The following OPCML variants were observed in gnomAD, a reference collection of about 807,000 sequenced individuals.
OPCML encodes the protein opioid-binding protein/cell adhesion molecule.
OPCML carries 13 observed loss-of-function variants against 37.8 expected under a neutral mutation model. The observed-to-expected ratio is 0.34, with a 90% CI of 0.22 to 0.55. The LOEUF (loss-of-function observed/expected upper bound fraction) is 0.55. Ranked by LOEUF, OPCML falls within the 20% of genes least tolerant of loss-of-function variation. The probability of loss-of-function intolerance (pLI) is 0.91; values close to 1 mark genes in which losing one functional copy is unlikely to be tolerated. For missense variants in OPCML, 341 were observed against 435.6 expected (o/e 0.78, Z 1.93); for synonymous variants, 176 against 168.8 (o/e 1.04, Z -0.33).
chr11:132,715,284 G>C (rs1030337002), intron 2 of OPCML, among the ~76,000 whole-genome samples: 1 of 152,222 alleles, frequency 6.6e-6, no homozygotes, highest in Admixed American at 6.5e-5. Context: ...TATGTACCAA[G>C]TGTCATATTA....
chr11:132,694,644 T>G (rs1943537864), intron 2 of OPCML, among the ~76,000 whole-genome samples: 1 of 152,212 alleles, frequency 6.6e-6, no homozygotes, highest in African/African-American at 2.4e-5. Context: ...TTCTTTCTTC[T>G]AAGAGAACCT....
chr11:133,280,461 C>T (rs1942114072), intron 1 of OPCML, among the ~76,000 whole-genome samples: 1 of 152,170 alleles, frequency 6.6e-6, no homozygotes. Flanking sequence ...TGCCAGATTG[C>T]TTTCAAGGAA....
chr11:133,492,077 T>C (rs953672220), intron 1 of OPCML, among the ~76,000 whole-genome samples: 3 of 152,170 alleles, frequency 2.0e-5, no homozygotes, highest in Non-Finnish European at 2.9e-5. Flanking sequence ...GAAGCTCTCA[T>C]CATGACTGCA....
chr11:132,595,443 TACC>T (rs1447846332), intron 3 of OPCML, among the ~76,000 whole-genome samples: 1 of 152,204 alleles, frequency 6.6e-6, no homozygotes, highest in Non-Finnish European at 1.5e-5. Flanking sequence ...TACCTGTCTG[TACC>T]ACAACACTTT....
At chr11:132,474,377 T>C (rs1488246259) in intron 4 of OPCML, among the ~76,000 whole-genome samples, 1 of 151,982 alleles carries the variant, frequency 6.6e-6, no homozygotes, top group Non-Finnish European at 1.5e-5. Flanking sequence ...CCTCTTCACA[T>C]AGGAGCGAAA....
At chr11:132,930,503 GAACT>G (rs1221538367) in intron 2 of OPCML, among the ~76,000 whole-genome samples, 5 of 151,914 alleles carry the variant, frequency 3.3e-5, no homozygotes, top group Non-Finnish European at 7.4e-5. Flanking sequence ...ACAAAAATTA[GAACT>G]AATAAATTAC....
Position 132,602,202 on chromosome 11 carries a change from A to G in OPCML, c.379+54885T>C, listed in dbSNP as rs1320687526. Among the ~76,000 whole-genome samples the G allele has an allele frequency of 3.9e-5, 6 of 152,256 alleles. No individual in the cohort carries two copies. In the East Asian group the frequency reaches 1.2e-3, roughly 29 times the overall value. ...AGGCACAAAGATCTCACAATGGACT[A>G]TTTTTAGTCCTGATAATTAATATTG... On this transcript the variant is annotated intron_variant, in intron 3 of 7. Coordinates refer to ENST00000524381, the MANE Select transcript of OPCML (RefSeq NM_001012393.5).
intron 7 of OPCML, among the ~76,000 whole-genome samples, chr11:132,431,390 G>T (rs561406176): frequency 6.6e-6 from 1 of 152,206 alleles, no homozygotes; most frequent in Non-Finnish European, 1.5e-5. Flanking sequence ...TGCTGCTGGC[G>T]TTGACCGCCT....
At chr11:132,437,126 T>C in intron 5 of OPCML, 96 bp downstream of exon 5, 16 of 1,530,226 alleles carry the variant, frequency 1.0e-5, no homozygotes, top group Non-Finnish European at 1.4e-5. Context: ...GGCAGGAACC[T>C]GGGTCCTTTG....
chr11:132,636,067 T>A (rs1940476192), intron 3 of OPCML, among the ~76,000 whole-genome samples: 3 of 152,206 alleles, frequency 2.0e-5, no homozygotes, highest in Admixed American at 2.0e-4. Flanking sequence ...AATGCCTGAT[T>A]GTGTATGCAA....
At chr11:133,224,936 C>T (rs1317877137) in intron 1 of OPCML, among the ~76,000 whole-genome samples, 1 of 152,166 alleles carries the variant, frequency 6.6e-6, no homozygotes, top group Non-Finnish European at 1.5e-5. Context: ...CCCTCCATCC[C>T]AAGCTCAGAG....
chr11:133,382,880 A>G (rs1047917627), intron 1 of OPCML, among the ~76,000 whole-genome samples: 3 of 152,154 alleles, frequency 2.0e-5, no homozygotes, highest in African/African-American at 4.8e-5. Context: ...CACATGTGTT[A>G]GCTCCTAGAT....
intron 1 of OPCML, among the ~76,000 whole-genome samples, chr11:133,215,974 G>A (rs1939569091): frequency 6.6e-6 from 1 of 152,136 alleles, no homozygotes. Flanking sequence ...CCTTGTAACT[G>A]ATGAATAGAG....
At chr11:133,006,611 C>T (rs1232984412) in intron 1 of OPCML, 5 of 985,440 alleles carry the variant, frequency 5.1e-6, no homozygotes, top group African/African-American at 1.7e-5. Context: ...AACCATGCCC[C>T]ACTGGCCAGA....
chr11:133,409,113 T>A (rs1592272943), intron 1 of OPCML, among the ~76,000 whole-genome samples: 1 of 152,006 alleles, frequency 6.6e-6, no homozygotes, highest in Admixed American at 6.5e-5. Context: ...AGGAAGGAGG[T>A]GGTAACCCTC....
At chr11:132,754,258 A>G (rs1355467387) in intron 2 of OPCML, among the ~76,000 whole-genome samples, 1 of 152,138 alleles carries the variant, frequency 6.6e-6, no homozygotes, top group Non-Finnish European at 1.5e-5. Flanking sequence ...CCCAAATCTC[A>G]TCTTGAATTC....
intron 2 of OPCML, among the ~76,000 whole-genome samples, chr11:132,814,285 G>A (rs1047747347): frequency 6.6e-6 from 1 of 152,170 alleles, no homozygotes; most frequent in African/African-American, 2.4e-5. Context: ...AGATAGAGAT[G>A]TATTTATTAT....
chr11:132,704,758 A>G (rs1943964596), intron 2 of OPCML, among the ~76,000 whole-genome samples: 1 of 152,242 alleles, frequency 6.6e-6, no homozygotes, highest in African/African-American at 2.4e-5. Flanking sequence ...TCAAGTATTC[A>G]AGAAACTGTC....
intron 1 of OPCML, among the ~76,000 whole-genome samples, chr11:133,076,089 T>C (rs536468166): frequency 2.6e-5 from 4 of 152,328 alleles, no homozygotes; most frequent in South Asian, 2.1e-4. Flanking sequence ...TGGTTTGTTA[T>C]TTTTTATATA....
Sources: gnomAD v4.1 joint callset for allele counts (sites outside exome capture counted in the v4.1 genomes callset) on GRCh38, gnomAD v4.1.1 for gene constraint, MANE v1.5 for transcripts, NCBI Gene and HGNC (gene_info 2026-07-23, HGNC 2026-07-21) for gene names.